EIF4G3: variants seen among roughly 807,000 people sequenced by gnomAD.
The protein encoded by EIF4G3 is eukaryotic translation initiation factor 4 gamma 3.
A neutral mutation model predicts 186.4 loss-of-function variants in EIF4G3; 34 were observed. That is an observed-to-expected ratio of 0.18 (90% CI 0.14 to 0.24). The LOEUF is 0.24. Among genes scored for constraint, EIF4G3 ranks in the 10% least tolerant of loss-of-function variants. EIF4G3 has a pLI of 1.00. For synonymous variants in EIF4G3, 673 were observed against 679.5 expected, an observed-to-expected ratio of 0.99 and a Z score of 0.15; for missense variants, 1,536 against 1,948.5, an observed-to-expected ratio of 0.79 and a Z score of 3.99.
chr1:21,176,297 C>T lies in EIF4G3; in HGVS notation c.-394G>A, dbSNP rs2098106196. The T allele has an allele frequency of 3.3e-6, 1 of 298,682 alleles. No homozygotes were observed. The highest frequency in any genetic ancestry group is 5.9e-6 in the Non-Finnish European group (1 of 168,154). 18.5% of individuals were successfully genotyped at this position (298,682 alleles called of 1,614,324 possible). A position where few individuals can be genotyped will look rare whatever the true frequency, so the allele number is the denominator to read the frequency against. ...CCGCCGCCGGGTGAGGAGGCGGTAC[C>T]GCTGCTGCCGCCGCCGCCGCCGCTC... On this transcript the variant is annotated 5_prime_UTR_variant, in exon 2 of 37. Coordinates refer to ENST00000602326, the MANE Select transcript of EIF4G3 (RefSeq NM_001391906.1).
At chr1:21,147,757 TAA>T (rs2097474937) in intron 2 of EIF4G3, among the ~76,000 whole-genome samples, 1 of 152,064 alleles carries the variant, frequency 6.6e-6, no homozygotes. Context: ...TTACAAGTAA[TAA>T]AAGAAATACA....
intron 36 of EIF4G3, among the ~76,000 whole-genome samples, chr1:20,809,130 C>T (rs761655296): frequency 3.9e-5 from 6 of 152,096 alleles, no homozygotes; most frequent in Non-Finnish European, 8.8e-5. Context: ...TGCGCCACCA[C>T]GCCCAGCTAA....
intron 18 of EIF4G3, among the ~76,000 whole-genome samples, chr1:20,892,109 T>A (rs1434448734): frequency 2.0e-5 from 3 of 152,228 alleles, no homozygotes; most frequent in Non-Finnish European, 2.9e-5. Context: ...AAGTGACATT[T>A]GTTTTCAGAC....
chr1:21,053,583 G>A (rs1197377119), intron 3 of EIF4G3, among the ~76,000 whole-genome samples: 1 of 146,330 alleles, frequency 6.8e-6, no homozygotes, highest in African/African-American at 2.5e-5. Flanking sequence ...GCCCTGTCCG[G>A]GAGGGAGGTT....
At chr1:20,816,179 G>A (rs2060767991) in intron 34 of EIF4G3, among the ~76,000 whole-genome samples, 1 of 115,144 alleles carries the variant, frequency 8.7e-6, no homozygotes. Context: ...CTACTGGGAA[G>A]TGAGGAGCGC....
chr1:21,141,493 A>C (rs2097338705), intron 2 of EIF4G3, among the ~76,000 whole-genome samples: 1 of 152,026 alleles, frequency 6.6e-6, no homozygotes, highest in African/African-American at 2.4e-5. Context: ...AAAAAAAAAA[A>C]AAACAAGATC....
intron 16 of EIF4G3, among the ~76,000 whole-genome samples, chr1:20,898,943 T>A (rs2089388283): frequency 6.6e-6 from 1 of 152,162 alleles, no homozygotes; most frequent in South Asian, 2.1e-4. Flanking sequence ...TTGGTCAGGC[T>A]AGTCTCGAAC....
chr1:20,989,102 GGAGA>G (rs1182917159), intron 7 of EIF4G3, among the ~76,000 whole-genome samples: 1 of 133,958 alleles, frequency 7.5e-6, no homozygotes, highest in Non-Finnish European at 1.6e-5. Flanking sequence ...GGAGAGGAGA[GGAGA>G]GATTTGTGAT....
intron 4 of EIF4G3, among the ~76,000 whole-genome samples, chr1:21,025,786 G>A (rs946287610): frequency 2.0e-5 from 3 of 152,082 alleles, no homozygotes; most frequent in Non-Finnish European, 4.4e-5. Context: ...GAGATCTCTA[G>A]GTACAAAAGT....
chr1:21,008,314 T>C (rs1021128985), intron 4 of EIF4G3, among the ~76,000 whole-genome samples: 1 of 151,322 alleles, frequency 6.6e-6, no homozygotes, highest in Non-Finnish European at 1.5e-5. Context: ...CTAAGATAGA[T>C]GACTGTTTCA....
chr1:20,904,577 G>C (rs779863097), intron 15 of EIF4G3, among the ~76,000 whole-genome samples: 1 of 152,070 alleles, frequency 6.6e-6, no homozygotes, highest in African/African-American at 2.4e-5. Flanking sequence ...CAAACTCCTG[G>C]GTTGCAGTGA....
rs138792275 is a variant in EIF4G3, at chr1:21,068,633, C to A, written c.-195-17639G>T. 2.8e-4 allele frequency among the ~76,000 whole-genome samples: 42 copies of A among 152,202 alleles called. 1 individual carries two copies. The East Asian group carries it at 7.0e-3, about 25-fold the overall frequency. The stretch of plus-strand genomic sequence containing the variant: ...CACACACTACCTGGATAACTTTGGG[C>A]AGGATACGTCACCTCTGTGTCTATT... On this transcript the variant is annotated intron_variant, in intron 3 of 36. Coordinates refer to ENST00000602326, the MANE Select transcript of EIF4G3 (RefSeq NM_001391906.1).
chr1:20,996,968 A>C (rs779913926), intron 7 of EIF4G3, among the ~76,000 whole-genome samples: 3 of 152,188 alleles, frequency 2.0e-5, no homozygotes, highest in Non-Finnish European at 4.4e-5. Context: ...GAAGTATGAA[A>C]CCAATAGGAT....
chr1:21,162,563 G>A (rs1450392140), intron 2 of EIF4G3, among the ~76,000 whole-genome samples: 2 of 151,906 alleles, frequency 1.3e-5, no homozygotes, highest in Non-Finnish European at 2.9e-5. Flanking sequence ...CCAACATGCC[G>A]AAACCCTGTC....
Position 20,969,497 on chromosome 1 carries a change from T to G in EIF4G3, c.691A>C (p.Thr231Pro). The G allele has an allele frequency of 6.2e-7, 1 of 1,613,896 alleles. No homozygotes were observed. The change falls in exon 12 of 37, where the codon ACG becomes CCG. Residue 231 changes from threonine (T) to proline (P), a missense_variant. By Grantham distance (38) the Thr-to-Pro change is conservative. Around this residue, in one of 11 missense-constraint regions of EIF4G3, gnomAD observed 560 missense variants for 547.8 expected, o/e 1.02. Coordinates refer to ENST00000602326, the MANE Select transcript of EIF4G3 (RefSeq NM_001391906.1). ...RNPTPPIGRPTSTPTPPQQLP... is the reference protein window; with the variant it reads ...RNPTPPIGRPPSTPTPPQQLP... ...ACCTGAGGAGGAGTAGGTGTGGACG[T>G]GGGTCTTCCTATGGGTGGAGTAGGA... is the stretch of plus-strand genomic sequence containing the variant.
At chr1:21,024,267 G>C (rs1168829632) in intron 4 of EIF4G3, among the ~76,000 whole-genome samples, 2 of 150,920 alleles carry the variant, frequency 1.3e-5, no homozygotes, top group African/African-American at 4.9e-5. Flanking sequence ...GAGGTGAGGG[G>C]CGCCTCTGCC....
At position 21,034,111 on chromosome 1, in the gene EIF4G3, T is replaced by G. The variant is rs144948382; in HGVS notation, c.-67+16755A>C. On this transcript the variant is annotated intron_variant, in intron 4 of 36. Transcript: ENST00000602326. ...CTGTCTGAAAGTAACAAAGAAAATTTTTTTCTGGGAATTTATCACAGTTCA... is the reference window on the plus strand; with the variant it reads ...CTGTCTGAAAGTAACAAAGAAAATTGTTTTCTGGGAATTTATCACAGTTCA... Among the ~76,000 whole-genome samples the G allele has an allele frequency of 4.7e-3, 708 of 152,200 alleles. 6 individuals are homozygous for G. The highest frequency in any genetic ancestry group is 8.8e-3 in the Non-Finnish European group (598 of 68,010).
rs748417165 is a variant in EIF4G3, at chr1:20,972,984, G to A, written c.591+18C>T. On this transcript the variant is annotated intron_variant, in intron 11 of 36. Coordinates refer to ENST00000602326, the MANE Select transcript of EIF4G3 (RefSeq NM_001391906.1). ...GATTTTAGATTTAAAATAAGAAAAA[G>A]TAATAAAAATCTCTTACAGTTTTTT... The A allele has an allele frequency of 6.4e-7, 1 of 1,564,410 alleles. No individual in the cohort carries two copies. The highest frequency in any genetic ancestry group is 8.6e-7 in the Non-Finnish European group (1 of 1,156,080).
intron 29 of EIF4G3, chr1:20,841,438 C>G (rs1396490321): frequency 6.5e-6 from 1 of 152,992 alleles, no homozygotes; most frequent in African/African-American, 2.4e-5. Context: ...TTTATGATCA[C>G]TGATTTAAAA....
Sources: allele counts gnomAD v4.1 joint callset (sites outside exome capture counted in the v4.1 genomes callset), GRCh38; gene constraint gnomAD v4.1.1; regional missense constraint gnomAD v4.1.1; transcripts MANE v1.5; gene names NCBI Gene and HGNC (gene_info 2026-07-23, HGNC 2026-07-21).